Variants in PLXDC2 observed in about 807,000 individuals in gnomAD.
PLXDC2 encodes the protein plexin domain containing 2, also known as plexin domain-containing protein 2.
Under a neutral mutation model 68.9 loss-of-function variants are expected in PLXDC2, and 40 were observed. That is an observed-to-expected ratio of 0.58 (90% CI 0.45 to 0.76). The LOEUF (loss-of-function observed/expected upper bound fraction) is 0.76. Among genes scored for constraint, PLXDC2 ranks in the 30% least tolerant of loss-of-function variants. The probability of loss-of-function intolerance (pLI) is 0.00; values close to 1 mark genes in which losing one functional copy is unlikely to be tolerated. For missense variants in PLXDC2, 644 were observed against 661.9 expected (o/e 0.97, Z 0.30); for synonymous variants, 243 against 234.2 (o/e 1.04, Z -0.34).
intron 3 of PLXDC2, among the ~76,000 whole-genome samples, chr10:20,051,887 A>G (rs1835908508): frequency 6.6e-6 from 1 of 151,974 alleles, no homozygotes; most frequent in African/African-American, 2.4e-5. Context: ...CTCTGTCACA[A>G]CTACTTGACT....
intron 12 of PLXDC2, among the ~76,000 whole-genome samples, chr10:20,224,651 C>T (rs1835263272): frequency 6.6e-6 from 1 of 152,168 alleles, no homozygotes; most frequent in African/African-American, 2.4e-5. Flanking sequence ...CTCAGTCTAG[C>T]AAATTGAATT....
intron 1 of PLXDC2, among the ~76,000 whole-genome samples, chr10:19,975,643 C>T (rs936365286): frequency 2.0e-5 from 3 of 152,082 alleles, no homozygotes; most frequent in African/African-American, 4.8e-5. Flanking sequence ...TTATGAATTC[C>T]TGCATCTCTC....
chr10:20,105,730 G>A (rs1280064545), intron 4 of PLXDC2, among the ~76,000 whole-genome samples: 1 of 152,210 alleles, frequency 6.6e-6, no homozygotes, highest in Non-Finnish European at 1.5e-5. Flanking sequence ...CACCTTGGTT[G>A]TCAGGCTCTC....
chr10:19,995,267 A>C (rs1000741559), intron 1 of PLXDC2, among the ~76,000 whole-genome samples: 2 of 152,212 alleles, frequency 1.3e-5, no homozygotes, highest in African/African-American at 4.8e-5. Context: ...AAAAGGAGAC[A>C]AAGCAAAATT....
chr10:20,089,486 G>A (rs1163835724), intron 4 of PLXDC2, among the ~76,000 whole-genome samples: 1 of 152,146 alleles, frequency 6.6e-6, no homozygotes, highest in Non-Finnish European at 1.5e-5. Flanking sequence ...TACTAAGAGA[G>A]AAGGCCAGGA....
At chr10:19,857,845 A>C (rs1044747891) in intron 1 of PLXDC2, among the ~76,000 whole-genome samples, 9 of 152,212 alleles carry the variant, frequency 5.9e-5, no homozygotes, top group African/African-American at 2.2e-4. Context: ...TTTATAATGA[A>C]TCAACAAATC....
At chr10:20,246,780 A>G (rs1835601977) in intron 13 of PLXDC2, among the ~76,000 whole-genome samples, 1 of 152,274 alleles carries the variant, frequency 6.6e-6, no homozygotes, top group Admixed American at 6.5e-5. Flanking sequence ...AGAATTATTC[A>G]TTGTATGACA....
At chr10:19,882,938 T>TC (rs201613827) in intron 1 of PLXDC2, among the ~76,000 whole-genome samples, 45,111 of 144,350 alleles carry the variant, frequency 0.31, 7,629 homozygotes, top group Middle Eastern at 0.42. Context: ...AATTAAAATT[T>TC]TTTTTTTTTT....
At chr10:19,830,713 C>T (rs564710973) in intron 1 of PLXDC2, among the ~76,000 whole-genome samples, 1 of 151,272 alleles carries the variant, frequency 6.6e-6, no homozygotes, top group African/African-American at 2.4e-5. Flanking sequence ...ACTGGTCTTT[C>T]TCTAACTATG....
At chr10:20,139,021 A>G (rs186516200) in intron 4 of PLXDC2, among the ~76,000 whole-genome samples, 9 of 152,372 alleles carry the variant, frequency 5.9e-5, no homozygotes, top group African/African-American at 2.2e-4. Flanking sequence ...GTAAATACAT[A>G]GTTATGGTTA....
At chr10:19,923,270 GAAA>G (rs1833489390) in intron 1 of PLXDC2, among the ~76,000 whole-genome samples, 1 of 152,080 alleles carries the variant, frequency 6.6e-6, no homozygotes, top group South Asian at 2.1e-4. Flanking sequence ...TATACTGTTA[GAAA>G]AGTCTCGCCT....
intron 1 of PLXDC2, among the ~76,000 whole-genome samples, chr10:19,978,625 G>A (rs555648503): frequency 7.9e-5 from 12 of 152,302 alleles, no homozygotes; most frequent in Admixed American, 3.9e-4. Context: ...GGTTGTTAGA[G>A]TTTCAGAAAT....
intron 1 of PLXDC2, among the ~76,000 whole-genome samples, chr10:19,934,307 A>G (rs1833688722): frequency 6.6e-6 from 1 of 152,258 alleles, no homozygotes; most frequent in South Asian, 2.1e-4. Context: ...AAGAGTTGAA[A>G]AGTTAAAATT....
At chr10:20,065,146 A>G (rs1318282387) in intron 3 of PLXDC2, among the ~76,000 whole-genome samples, 2 of 152,200 alleles carry the variant, frequency 1.3e-5, no homozygotes, top group African/African-American at 2.4e-5. Context: ...CTTAAAGAAT[A>G]TGGAAGCCAT....
rs555509013 is a variant in PLXDC2, at chr10:20,242,793, C to T, written c.1313-2552C>T. On this transcript the variant is annotated intron_variant, in intron 12 of 13. Transcript: ENST00000377252. The stretch of plus-strand genomic sequence containing the variant: ...TGGCAGGATCTCGGCTCCCTGCAAC[C>T]CCTGCCTTCAGGTTCAAGCAATTCT... Among the ~76,000 whole-genome samples, 398 of 152,220 alleles carry T rather than the reference C, an allele frequency of 2.6e-3. 1 individual carries two copies. The highest frequency in any genetic ancestry group is 9.3e-3 in the African/African-American group (385 of 41,546).
At chr10:20,208,835 A>G (rs1835028518) in intron 9 of PLXDC2, among the ~76,000 whole-genome samples, 1 of 152,042 alleles carries the variant, frequency 6.6e-6, no homozygotes, top group African/African-American at 2.4e-5. Context: ...CAAAAGGAGA[A>G]ATTTTAAAGC....
intron 2 of PLXDC2, among the ~76,000 whole-genome samples, chr10:20,003,823 G>C (rs1482846936): frequency 6.6e-6 from 1 of 152,194 alleles, no homozygotes; most frequent in Non-Finnish European, 1.5e-5. Context: ...AAATAGAGAA[G>C]CTCTCAGTTA....
rs397846779 is a variant in PLXDC2 at position 19,883,884 on chromosome 10, C to CTTTTTTTTTT, written c.112+66711_112+66720dup. Among the ~76,000 whole-genome samples, 289 of 55,092 alleles carry CTTTTTTTTTT rather than the reference C, an allele frequency of 5.2e-3. 94 individuals are homozygous for CTTTTTTTTTT. Among genetic ancestry groups the CTTTTTTTTTT allele is most frequent in the African/African-American group, 0.024 (255 of 10,832 alleles). The allele number at this position is 55,092 out of a possible 152,430, so 36.1% of individuals were successfully genotyped here. On this transcript the variant is annotated intron_variant, in intron 1 of 13. Transcript: ENST00000377252. ...ATTACTGTCTCCAGATCCCTTTAAA[C>CTTTTTTTTTT]TTTTTTTTTTTTTTTTTTTTTTTTT... is the stretch of plus-strand genomic sequence containing the variant.
At position 20,213,854 on chromosome 10, in the gene PLXDC2, C is replaced by G. The variant is rs562985424; in HGVS notation, c.1122+2125C>G. On this transcript the variant is annotated intron_variant, in intron 10 of 13. Coordinates refer to ENST00000377252, the MANE Select transcript of PLXDC2 (RefSeq NM_032812.9). ...TACTCTTCAGCTATACTTCTCCACT[C>G]TCTTTATTTTCACCTTCTGACTTCT... is the stretch of plus-strand genomic sequence containing the variant. Among the ~76,000 whole-genome samples, 32 of 152,232 alleles carry G rather than the reference C, an allele frequency of 2.1e-4. No individual in the cohort carries two copies. In the South Asian group the frequency reaches 6.6e-3, roughly 32 times the overall value.
Sources: gnomAD v4.1 joint callset for allele counts (sites outside exome capture counted in the v4.1 genomes callset) on GRCh38, gnomAD v4.1.1 for gene constraint, MANE v1.5 for transcripts, NCBI Gene and HGNC (gene_info 2026-07-23, HGNC 2026-07-21) for gene names.